Variants in GPX5 observed in about 807,000 individuals in gnomAD.
The protein encoded by GPX5 is glutathione peroxidase 5.
A neutral mutation model predicts 23.8 loss-of-function variants in GPX5; 20 were observed. That is an observed-to-expected ratio of 0.84 (90% confidence interval 0.59 to 1.22). GPX5 has a LOEUF of 1.22. Ranked by LOEUF, GPX5 falls within the 50% of genes most tolerant of loss-of-function variation. The pLI is 0.00. For missense variants in GPX5, 230 were observed against 266.6 expected, an observed-to-expected ratio of 0.86 and a Z score of 0.96; for synonymous variants, 92 against 99.5, an observed-to-expected ratio of 0.92 and a Z score of 0.45.
At chr6:28,528,607 AG>A (rs1292929702) in intron 1 of GPX5, 1 of 152,018 alleles carries the variant, frequency 6.6e-6, no homozygotes, top group Non-Finnish European at 1.5e-5. Flanking sequence ...GAAGCATGTA[AG>A]GCAAGTGTGC....
chr6:28,532,329 G>A lies in GPX5; in HGVS notation c.368G>A (p.Arg123His), dbSNP rs138279209. The A allele has an allele frequency of 1.0e-5, 16 of 1,572,012 alleles. No homozygotes were observed. Among genetic ancestry groups the A allele is most frequent in the Admixed American group, 4.0e-5 (2 of 50,336 alleles). ...ATTATGGCTTGTTGCAGGTATGTCC[G>A]TCCAGGGGGAGGATTTGTACCTAGT... ...KEILPGLKYV[R>H]PGGGFVPSFQ... The change falls in exon 4 of 5, where the codon CGT becomes CAT. Residue 123 changes from arginine (R) to histidine (H), a missense_variant. By Grantham distance (29) the Arg-to-His change is conservative. Coordinates refer to ENST00000412168, the MANE Select transcript of GPX5 (RefSeq NM_001509.3).
In GPX5 at chr6:28,534,286, A is replaced by C. The variant is rs1763384252; in HGVS notation, c.*119A>C. 4.9e-6 allele frequency: 3 copies of C among 615,930 alleles called. No homozygotes were observed. Among genetic ancestry groups the C allele is most frequent in the Non-Finnish European group, 8.0e-6 (3 of 376,310 alleles). 38.2% of individuals were successfully genotyped at this position (615,930 alleles called of 1,614,324 possible). On this transcript the variant is annotated 3_prime_UTR_variant, in exon 5 of 5. Coordinates refer to ENST00000412168, the MANE Select transcript of GPX5 (RefSeq NM_001509.3). The stretch of plus-strand genomic sequence containing the variant: ...CACACTCTCTTCCTGCATGGGCTCC[A>C]CCTGAGTAAATCACCGCCACATACT...
At chr6:28,530,029 C>G (rs374381888) in intron 2 of GPX5, 1 of 155,370 alleles carries the variant, frequency 6.4e-6, no homozygotes, top group Non-Finnish European at 1.4e-5. Context: ...TCAATATATA[C>G]TTGAGAACTA....
rs1207321045 is a variant in GPX5, at chr6:28,531,389, AAAAAGAAAAGAAAAG to A, written c.242-363_242-349del. Among the ~76,000 whole-genome samples, 172 of 69,536 alleles carry A rather than the reference AAAAAGAAAAGAAAAG, an allele frequency of 2.5e-3. 5 individuals are homozygous for A. The highest frequency in any genetic ancestry group is 8.2e-3 in the East Asian group (13 of 1,578). The allele number at this position is 69,536 out of a possible 152,430, so 45.6% of individuals were successfully genotyped here. ...CTGTCTCAAAAAAAAAAAAAAAAAA[AAAAAGAAAAGAAAAG>A]AAAAGAAAAGAAAAGAAAAGAAAAG... On this transcript the variant is annotated intron_variant, in intron 2 of 4. Coordinates refer to ENST00000412168, the MANE Select transcript of GPX5 (RefSeq NM_001509.3).
At chr6:28,528,292 C>G (rs1763244363) in intron 1 of GPX5, 1 of 151,982 alleles carries the variant, frequency 6.6e-6, no homozygotes, top group South Asian at 2.1e-4. Flanking sequence ...ACATGGAAGC[C>G]CACTTGGAGT....
In GPX5 at chr6:28,528,859, A is replaced by G. The variant is rs1204135119; in HGVS notation, c.88-592A>G. On this transcript the variant is annotated intron_variant, in intron 1 of 4. Transcript: ENST00000412168. ...TATATATATATATATATATATATAT[A>G]TATATATATATATATATATATGGTA... 2.4e-4 allele frequency among the ~76,000 whole-genome samples: 13 copies of G among 54,028 alleles called. 1 individual carries two copies. The highest frequency in any genetic ancestry group is 8.3e-4 in the African/African-American group (10 of 12,096). The allele number at this position is 54,028 out of a possible 152,430, so 35.4% of individuals were successfully genotyped here.
rs753507134 is a variant in GPX5, at chr6:28,531,878, G to T, written c.342G>T (p.Glu114Asp). The stretch of plus-strand genomic sequence containing the variant: ...AGCAAGAACCAGGAGATAACAAAGA[G>T]ATTCTTCCTGGGCTCAAGTACGTGT... Reference protein sequence around the residue: ...FGKQEPGDNKEILPGLKYVRP... With the variant: ...FGKQEPGDNKDILPGLKYVRP... The change falls in exon 3 of 5, where the codon GAG (glutamate) becomes GAT (aspartate). Residue 114 changes from glutamate to aspartate, a missense_variant. By Grantham distance (45) the Glu-to-Asp change is conservative. Transcript: ENST00000412168. 4.3e-6 allele frequency: 7 copies of T among 1,612,626 alleles called. No homozygotes were observed. In the Admixed American group the frequency reaches 1.2e-4, roughly 27 times the overall value.
intron 1 of GPX5, chr6:28,527,222 G>A (rs575534999): frequency 6.6e-6 from 1 of 152,118 alleles, no homozygotes; most frequent in South Asian, 2.1e-4. Flanking sequence ...TACCCAACAT[G>A]ACTGTGAGTG....
intron 1 of GPX5, chr6:28,527,230 GTGAT>G (rs1763224235): frequency 6.6e-6 from 1 of 151,952 alleles, no homozygotes; most frequent in Non-Finnish European, 1.5e-5. Context: ...ATGACTGTGA[GTGAT>G]TGTCATTGCA....
intron 2 of GPX5, 147 bp from the exon 3 acceptor site, chr6:28,531,631 T>C: frequency 1.5e-6 from 1 of 650,554 alleles, no homozygotes; most frequent in Non-Finnish European, 2.7e-6. Flanking sequence ...TAACTTCAGC[T>C]ATGCTACTAA....
intron 2 of GPX5, chr6:28,530,148 AG>A (rs1374106990): frequency 6.6e-6 from 1 of 152,236 alleles, no homozygotes; most frequent in Non-Finnish European, 1.5e-5. Context: ...GACAAGAAAA[AG>A]GAGTTTTATA....
chr6:28,525,930 C>A lies in GPX5; in HGVS notation c.-84C>A. Reference sequence around the variant, plus strand: ...TGTGACTGGCCTGTGGGGGCTTGGGCTAAGTCCCTGCCAAGATACCAAAAG... The same window carrying A: ...TGTGACTGGCCTGTGGGGGCTTGGGATAAGTCCCTGCCAAGATACCAAAAG... On this transcript the variant is annotated 5_prime_UTR_variant, in exon 1 of 5. Transcript: ENST00000412168. 9.8e-7 allele frequency: 1 copy of A among 1,017,060 alleles called. No individual in the cohort carries two copies. Among genetic ancestry groups the A allele is most frequent in the Non-Finnish European group, 1.6e-6 (1 of 643,192 alleles). The allele number at this position is 1,017,060 out of a possible 1,614,324, so 63.0% of individuals were successfully genotyped here. A position where few individuals can be genotyped will look rare whatever the true frequency, so the allele number is the denominator to read the frequency against.
In GPX5 at chr6:28,531,897, T is replaced by C. The variant is rs28382607; in HGVS notation, c.359+2T>C. ...CAAAGAGATTCTTCCTGGGCTCAAG[T>C]ACGTGTCTTCTTGAAATCCAATAGG... On this transcript the variant is annotated splice_donor_variant, in intron 3 of 4. Transcript: ENST00000412168. LOFTEE classifies it high-confidence loss of function. 1.3e-6 allele frequency: 2 copies of C among 1,598,974 alleles called. No individual in the cohort carries two copies. Among genetic ancestry groups the C allele is most frequent in the Non-Finnish European group, 1.7e-6 (2 of 1,166,464 alleles).
intron 3 of GPX5, 47 bp downstream of exon 3, chr6:28,531,942 C>G (rs1763332639): frequency 7.5e-7 from 1 of 1,341,874 alleles, no homozygotes. Context: ...TGTACCTTTC[C>G]TCAGTCTCCA....
chr6:28,531,279 G>C (rs543198487), intron 2 of GPX5, among the ~76,000 whole-genome samples: 4 of 149,472 alleles, frequency 2.7e-5, no homozygotes, highest in Admixed American at 1.3e-4. Context: ...TCTAAGGCAG[G>C]AGAATCACTT....
intron 1 of GPX5, chr6:28,528,319 A>G (rs1342306644): frequency 6.6e-6 from 1 of 152,182 alleles, no homozygotes; most frequent in Non-Finnish European, 1.5e-5. Context: ...AAGAATCTAG[A>G]TAAATATCTT....
chr6:28,528,813 GTA>G (rs70983945), intron 1 of GPX5, among the ~76,000 whole-genome samples: 3 of 95,710 alleles, frequency 3.1e-5, no homozygotes, highest in South Asian at 8.1e-4. Flanking sequence ...ATATATGTGT[GTA>G]TATATATATA....
Position 28,525,895 on chromosome 6 carries a change from C to T in GPX5, c.-119C>T, listed in dbSNP as rs1443117689. 9.4e-6 allele frequency: 7 copies of T among 747,940 alleles called. No homozygotes were observed. Among genetic ancestry groups the T allele is most frequent in the Admixed American group, 8.1e-5 (4 of 49,514 alleles). The allele number at this position is 747,940 out of a possible 1,614,324, so 46.3% of individuals were successfully genotyped here. A position where few individuals can be genotyped will look rare whatever the true frequency, so the allele number is the denominator to read the frequency against. On this transcript the variant is annotated 5_prime_UTR_variant, in exon 1 of 5. Transcript: ENST00000412168. ...ACCCCGACCTCATGCGTCGGGAATC[C>T]TTGCAGCCCTGTGACTGGCCTGTGG...
chr6:28,530,946 C>T (rs1024147361), intron 2 of GPX5, among the ~76,000 whole-genome samples: 4 of 152,170 alleles, frequency 2.6e-5, no homozygotes, highest in Non-Finnish European at 4.4e-5. Context: ...TTATAAAAGT[C>T]TGAGCAGACA....
Sources: gnomAD v4.1 joint callset for allele counts (sites outside exome capture counted in the v4.1 genomes callset) on GRCh38, gnomAD v4.1.1 for gene constraint, MANE v1.5 for transcripts, NCBI Gene and HGNC (gene_info 2026-07-23, HGNC 2026-07-21) for gene names.